BACH1: variants seen among roughly 807,000 people sequenced by gnomAD.
The protein encoded by BACH1 is BTB domain and CNC homolog 1.
A neutral mutation model predicts 52.9 loss-of-function variants in BACH1; 35 were observed. The observed-to-expected ratio is 0.66, with a 90% CI of 0.51 to 0.88. BACH1 has a LOEUF of 0.88. Ranked by LOEUF, BACH1 falls within the 40% of genes least tolerant of loss-of-function variation. The pLI is 0.00. For synonymous variants in BACH1, 321 were observed against 319.6 expected (o/e 1.00, Z -0.05); for missense variants, 808 against 872.6 (o/e 0.93, Z 0.93).
intron 4 of BACH1, among the ~76,000 whole-genome samples, chr21:29,341,063 A>G (rs1051741256): frequency 1.8e-4 from 27 of 152,100 alleles, no homozygotes; most frequent in African/African-American, 5.8e-4. Context: ...TATTTATTGT[A>G]TATTTTCTCA....
rs201361322 is a variant in BACH1, at chr21:29,331,018, A to G, written c.1776+1325A>G. Among the ~76,000 whole-genome samples, 3 of 152,126 alleles carry G rather than the reference A, an allele frequency of 2.0e-5. No individual in the cohort carries two copies. The East Asian group carries it at 5.8e-4, about 29-fold the overall frequency. On this transcript the variant is annotated intron_variant, in intron 4 of 4. Coordinates refer to ENST00000286800, the MANE Select transcript of BACH1 (RefSeq NM_001186.4). ...TTGCTGAATAGTTAAAATTGTTAAA[A>G]CCAAGGAGGAAAAGTTTTCAATTCT...
At chr21:29,339,564 T>A (rs1029415576) in intron 4 of BACH1, among the ~76,000 whole-genome samples, 1 of 151,870 alleles carries the variant, frequency 6.6e-6, no homozygotes, top group Non-Finnish European at 1.5e-5. Flanking sequence ...TTATGATCTT[T>A]AAAAAAATTA....
chr21:29,342,562 C>T lies in BACH1; in HGVS notation c.1940C>T (p.Pro647Leu), dbSNP rs761154596. ...ILAKYSAADC[P>L]LSFLISEKDK... is the part of the protein sequence containing the mutation. ...GCCAAGTACTCAGCTGCAGATTGCCCACTTTCATTTTTAATTTCTGAAAAA... is the reference window on the plus strand; with the variant it reads ...GCCAAGTACTCAGCTGCAGATTGCCTACTTTCATTTTTAATTTCTGAAAAA... The change falls in exon 5 of 5, where the codon CCA (proline) becomes CTA (leucine). Residue 647 changes from proline to leucine, a missense_variant. Physicochemically the swap from Pro to Leu is moderately conservative, Grantham distance 98 (BLOSUM62 -3). Coordinates refer to ENST00000286800, the MANE Select transcript of BACH1 (RefSeq NM_001186.4). The T allele has an allele frequency of 1.9e-6, 3 of 1,614,192 alleles. No homozygotes were observed. The highest frequency in any genetic ancestry group is 2.5e-6 in the Non-Finnish European group (3 of 1,180,038).
At chr21:29,356,538 G>A (rs1454360156) in intron 2 of BACH1, among the ~76,000 whole-genome samples, 1 of 152,166 alleles carries the variant, frequency 6.6e-6, no homozygotes, top group Admixed American at 6.5e-5. Flanking sequence ...TTCCTTAGTA[G>A]TTGAGGAGGA....
chr21:29,357,628 C>T (rs1277526380), intron 2 of BACH1, among the ~76,000 whole-genome samples: 1 of 152,200 alleles, frequency 6.6e-6, no homozygotes, highest in Non-Finnish European at 1.5e-5. Context: ...GCCACCGCCA[C>T]AACTACCCTT....
At chr21:29,336,260 A>C (rs1456630083) in intron 4 of BACH1, among the ~76,000 whole-genome samples, 1 of 152,170 alleles carries the variant, frequency 6.6e-6, no homozygotes, top group Non-Finnish European at 1.5e-5. Context: ...CATGGCTTTA[A>C]GTCATTTCTC....
At chr21:29,316,478 G>A (rs959546709) in intron 1 of BACH1, among the ~76,000 whole-genome samples, 2 of 152,154 alleles carry the variant, frequency 1.3e-5, no homozygotes, top group Non-Finnish European at 2.9e-5. Context: ...AAATGCAGGC[G>A]TAACACAGGA....
intron 3 of BACH1, among the ~76,000 whole-genome samples, chr21:29,328,352 A>C (rs978420738): frequency 2.6e-5 from 4 of 152,176 alleles, no homozygotes; most frequent in Admixed American, 2.6e-4. Flanking sequence ...TCCAATAATG[A>C]CAAGGGCCTG....
chr21:29,357,303 T>C (rs2089240644), intron 2 of BACH1, among the ~76,000 whole-genome samples: 1 of 152,144 alleles, frequency 6.6e-6, no homozygotes, highest in South Asian at 2.1e-4. Flanking sequence ...TCCGTCGGTA[T>C]ATAGGTTAAG....
At chr21:29,314,303 A>G (rs764486436) in intron 1 of BACH1, among the ~76,000 whole-genome samples, 1 of 152,136 alleles carries the variant, frequency 6.6e-6, no homozygotes, top group Non-Finnish European at 1.5e-5. Context: ...ATGACCTGGA[A>G]TTATCAAAGT....
At position 29,326,113 on chromosome 21, in the gene BACH1, A is replaced by G. The variant is rs1471577116; in HGVS notation, c.289A>G (p.Ile97Val). The change falls in exon 3 of 5, where the codon ATT (isoleucine) becomes GTT (valine). Residue 97 changes from isoleucine to valine, a missense_variant. By Grantham distance (29) the Ile-to-Val change is conservative. Transcript: ENST00000286800. ...LIQFAYTAKL[I>V]LSKENVDEVC... Reference sequence around the variant, plus strand: ...TCAGTTTGCCTACACTGCTAAACTGATTTTAAGTAAAGAGAATGTGGATGA... The same window carrying G: ...TCAGTTTGCCTACACTGCTAAACTGGTTTTAAGTAAAGAGAATGTGGATGA... 6.2e-7 allele frequency: 1 copy of G among 1,613,940 alleles called. No homozygotes were observed. The highest frequency in any genetic ancestry group is 1.7e-5 in the Admixed American group (1 of 59,968).
At chr21:29,313,369 G>A (rs552017850) in intron 1 of BACH1, among the ~76,000 whole-genome samples, 132 of 152,264 alleles carry the variant, frequency 8.7e-4, no homozygotes, top group African/African-American at 3.1e-3. Context: ...CAGTCACTTT[G>A]GAAAACTATT....
At chr21:29,328,777 C>T (rs1319613292) in intron 3 of BACH1, among the ~76,000 whole-genome samples, 2 of 152,116 alleles carry the variant, frequency 1.3e-5, no homozygotes, top group Non-Finnish European at 2.9e-5. Flanking sequence ...CTGTCTACTT[C>T]GTATAAGTGA....
Position 29,299,427 on chromosome 21 carries a change from C to T in BACH1, c.-61+474C>T, listed in dbSNP as rs570097857. Reference sequence around the variant, plus strand: ...ATGCCCAGCCTCGCGTCTACTCAGCCCGGTGGCTGTCGCGCGTGGAATCGC... The same window carrying T: ...ATGCCCAGCCTCGCGTCTACTCAGCTCGGTGGCTGTCGCGCGTGGAATCGC... On this transcript the variant is annotated intron_variant, in intron 1 of 4. Coordinates refer to ENST00000286800, the MANE Select transcript of BACH1 (RefSeq NM_001186.4). The T allele has an allele frequency of 3.9e-3, 598 of 152,740 alleles. 3 individuals carry two copies. Among genetic ancestry groups the T allele is most frequent in the African/African-American group, 0.014 (572 of 41,590 alleles). 9.5% of individuals were successfully genotyped at this position (152,740 alleles called of 1,614,324 possible). A position where few individuals can be genotyped will look rare whatever the true frequency, so the allele number is the denominator to read the frequency against.
intron 1 of BACH1, among the ~76,000 whole-genome samples, chr21:29,313,880 T>C (rs1392921569): frequency 6.6e-6 from 1 of 152,118 alleles, no homozygotes; most frequent in African/African-American, 2.4e-5. Context: ...AAATTTTGTC[T>C]TGGTTGGGGG....
intron 1 of BACH1, among the ~76,000 whole-genome samples, chr21:29,303,730 G>T (rs2123401603): frequency 6.6e-6 from 1 of 152,304 alleles, no homozygotes; most frequent in East Asian, 1.9e-4. Flanking sequence ...TTTTCTAGAT[G>T]TTAAATGTCT....
At position 29,312,593 on chromosome 21, in the gene BACH1, C is replaced by T. The variant is rs530805838; in HGVS notation, c.-60-8628C>T. ...CAGAATTCACGGTTGATATTTAAAA[C>T]GATAATTTTGTTTTTACACAATAGC... On this transcript the variant is annotated intron_variant, in intron 1 of 4. Transcript: ENST00000286800. Among the ~76,000 whole-genome samples the T allele has an allele frequency of 5.9e-5, 9 of 152,136 alleles. No individual in the cohort carries two copies. In the South Asian group the frequency reaches 1.0e-3, roughly 18 times the overall value.
At chr21:29,337,197 C>A (rs2089055326) in intron 4 of BACH1, among the ~76,000 whole-genome samples, 1 of 152,174 alleles carries the variant, frequency 6.6e-6, no homozygotes. Context: ...TCTATTGTTT[C>A]AAGATTTGGA....
intron 1 of BACH1, among the ~76,000 whole-genome samples, chr21:29,315,770 C>T (rs1223761338): frequency 6.6e-6 from 1 of 152,182 alleles, no homozygotes; most frequent in East Asian, 1.9e-4. Context: ...CAGATGTCCA[C>T]ATTCCTGTGT....
Sources: allele counts gnomAD v4.1 joint callset (sites outside exome capture counted in the v4.1 genomes callset), GRCh38; gene constraint gnomAD v4.1.1; transcripts MANE v1.5; gene names NCBI Gene and HGNC (gene_info 2026-07-23, HGNC 2026-07-21).